DAAM2: variants seen among roughly 807,000 people sequenced by gnomAD.
DAAM2 encodes the protein disheveled-associated activator of morphogenesis 2.
A neutral mutation model predicts 120.7 loss-of-function variants in DAAM2; 39 were observed. The observed-to-expected ratio is 0.32, with a 90% CI of 0.25 to 0.42. The LOEUF (loss-of-function observed/expected upper bound fraction) is 0.42, where lower values mean the gene tolerates loss of function less well. Among genes scored for constraint, DAAM2 ranks in the 10% least tolerant of loss-of-function variants. The pLI is 1.00. For missense variants in DAAM2, 1,283 were observed against 1,401.7 expected (o/e 0.92, Z 1.35); for synonymous variants, 488 against 524.9 (o/e 0.93, Z 0.96).
rs546236414 is a variant in DAAM2, at chr6:39,901,457, G to A, written c.2967G>A (p.Ala989=). 103 of 1,607,982 alleles carry A rather than the reference G, an allele frequency of 6.4e-5. No homozygotes were observed. The highest frequency in any genetic ancestry group is 5.7e-4 in the African/African-American group (43 of 74,982). The stretch of plus-strand genomic sequence containing the variant: ...GGAAGGAGGAGGAGGAGCGGCGGGC[G>A]CGCATGGAAGCCATGGTGAGGGGCA... ...RRRKEEEERR[A]RMEAMLKEQR... Residue 989 remains alanine (A), a synonymous_variant, in exon 24 of 25, where the codon GCG becomes GCA. Transcript: ENST00000274867. This position sits in a 1 kb window ranked among gnomAD's most constrained non-coding sequence, Gnocchi z 4.5.
chr6:39,823,537 A>T (rs778592021), intron 1 of DAAM2, among the ~76,000 whole-genome samples: 1 of 152,162 alleles, frequency 6.6e-6, no homozygotes, highest in South Asian at 2.1e-4. Flanking sequence ...GCCTTTGCAG[A>T]TGGGACGACT....
intron 1 of DAAM2, among the ~76,000 whole-genome samples, chr6:39,810,986 G>A (rs1212238115): frequency 6.6e-6 from 1 of 152,182 alleles, no homozygotes; most frequent in Non-Finnish European, 1.5e-5. Context: ...CTTGGCCTGG[G>A]TGTTGTGGAG....
rs555066503 is a variant in DAAM2, at chr6:39,870,506, T to C, written c.977+63T>C. On this transcript the variant is annotated intron_variant, in intron 8 of 24. Coordinates refer to ENST00000274867, the MANE Select transcript of DAAM2 (RefSeq NM_001201427.2). The stretch of plus-strand genomic sequence containing the variant: ...GGGACAGTGCCTCAGATGGGGATAG[T>C]TGGGACCTTTGTGAAGGCTGCCCTT... 28 of 1,060,566 alleles carry C rather than the reference T, an allele frequency of 2.6e-5. No individual in the cohort carries two copies. The East Asian group carries it at 3.6e-4, about 14-fold the overall frequency. The allele number at this position is 1,060,566 out of a possible 1,614,324, so 65.7% of individuals were successfully genotyped here.
chr6:39,814,192 T>C (rs201687393), intron 1 of DAAM2, among the ~76,000 whole-genome samples: 5 of 119,132 alleles, frequency 4.2e-5, no homozygotes, highest in African/African-American at 1.8e-4. Flanking sequence ...TTCTTTCTTT[T>C]TTTTTTTTTC....
At position 39,904,235 on chromosome 6, in the gene DAAM2, C is replaced by T. The variant is rs1766653564; in HGVS notation, c.*2198C>T. 3 of 456,632 alleles carry T rather than the reference C, an allele frequency of 6.6e-6. No individual in the cohort carries two copies. Among genetic ancestry groups the T allele is most frequent in the Admixed American group, 2.3e-5 (1 of 42,562 alleles). The allele number at this position is 456,632 out of a possible 1,614,324, so 28.3% of individuals were successfully genotyped here. A position where few individuals can be genotyped will look rare whatever the true frequency, so the allele number is the denominator to read the frequency against. On this transcript the variant is annotated 3_prime_UTR_variant, in exon 25 of 25. Coordinates refer to ENST00000274867, the MANE Select transcript of DAAM2 (RefSeq NM_001201427.2). Reference sequence around the variant, plus strand: ...CAACTGTTGACAGAGGACACAAATACGTTGTTCCAGAGCTCAGCCTTCTCA... The same window carrying T: ...CAACTGTTGACAGAGGACACAAATATGTTGTTCCAGAGCTCAGCCTTCTCA...
intron 9 of DAAM2, among the ~76,000 whole-genome samples, chr6:39,872,571 C>T (rs142991800): frequency 1.3e-5 from 2 of 152,318 alleles, no homozygotes; most frequent in African/African-American, 4.8e-5. Context: ...CCTGAAAGCA[C>T]ACAACTCTGC....
chr6:39,794,539 C>T (rs769726426), intron 1 of DAAM2, among the ~76,000 whole-genome samples: 3 of 152,134 alleles, frequency 2.0e-5, no homozygotes, highest in African/African-American at 2.4e-5. Context: ...CTCAAGAAGG[C>T]GGAGGCTGTG....
chr6:39,868,696 AC>A (rs1444676449), intron 6 of DAAM2, 126 bp from the exon 7 acceptor site: 1 of 696,380 alleles, frequency 1.4e-6, no homozygotes, highest in African/African-American at 1.8e-5. Flanking sequence ...AATTGGACAG[AC>A]CTGATTGGGT....
At chr6:39,813,825 G>A (rs559915562) in intron 1 of DAAM2, among the ~76,000 whole-genome samples, 2 of 152,282 alleles carry the variant, frequency 1.3e-5, no homozygotes, top group Non-Finnish European at 2.9e-5. Flanking sequence ...CATTGTAAAA[G>A]CATGGTTGAA....
intron 1 of DAAM2, among the ~76,000 whole-genome samples, chr6:39,852,727 A>G (rs953082996): frequency 3.9e-5 from 6 of 152,132 alleles, no homozygotes; most frequent in African/African-American, 1.4e-4. Context: ...GGGGCTTCAG[A>G]GGTGAAGAGT....
At position 39,812,334 on chromosome 6, in the gene DAAM2, C is replaced by T. The variant is rs147750039; in HGVS notation, c.-57+19869C>T. On this transcript the variant is annotated intron_variant, in intron 1 of 24. Transcript: ENST00000274867. ...ATTTCAACACATCTCATTCTAACAG[C>T]TCTGCAAAGTGGGTATTATCCCATT... is the stretch of plus-strand genomic sequence containing the variant. 1.5e-3 allele frequency among the ~76,000 whole-genome samples: 230 copies of T among 152,352 alleles called. 1 individual carries two copies. The highest frequency in any genetic ancestry group is 2.0e-3 in the Admixed American group (30 of 15,300).
At chr6:39,851,224 T>G (rs1479712871) in intron 1 of DAAM2, among the ~76,000 whole-genome samples, 1 of 152,196 alleles carries the variant, frequency 6.6e-6, no homozygotes, top group Non-Finnish European at 1.5e-5. Flanking sequence ...TAGGATACTT[T>G]CTGGACGTGT....
At chr6:39,805,802 T>C (rs1761994420) in intron 1 of DAAM2, among the ~76,000 whole-genome samples, 1 of 152,164 alleles carries the variant, frequency 6.6e-6, no homozygotes, top group Non-Finnish European at 1.5e-5. Flanking sequence ...TCCACCCGCC[T>C]TGGCCTCCCA....
intron 2 of DAAM2, among the ~76,000 whole-genome samples, chr6:39,857,340 T>C (rs957571052): frequency 2.8e-4 from 42 of 152,248 alleles, no homozygotes; most frequent in Non-Finnish European, 5.4e-4. Context: ...GTGGTTGGAA[T>C]GTGGTTTTAT....
intron 1 of DAAM2, among the ~76,000 whole-genome samples, chr6:39,838,204 T>C (rs1168556989): frequency 1.3e-5 from 2 of 152,192 alleles, no homozygotes; most frequent in African/African-American, 4.8e-5. Flanking sequence ...ATGTCTTCAT[T>C]TGTCAACTAG....
At chr6:39,854,014 T>G (rs965712109) in intron 1 of DAAM2, among the ~76,000 whole-genome samples, 5 of 152,206 alleles carry the variant, frequency 3.3e-5, no homozygotes, top group African/African-American at 1.2e-4. Context: ...TGCCATTGGC[T>G]ATCAAGTCCC....
At chr6:39,871,689 G>C (rs939593100) in intron 9 of DAAM2, 117 bp downstream of exon 9, 1 of 858,884 alleles carries the variant, frequency 1.2e-6, no homozygotes, top group African/African-American at 1.7e-5. Context: ...GTTCCCTGGT[G>C]GGCACCCCCA....
chr6:39,890,266 G>C (rs1210680856), intron 17 of DAAM2, among the ~76,000 whole-genome samples: 2 of 152,198 alleles, frequency 1.3e-5, no homozygotes, highest in African/African-American at 4.8e-5. Flanking sequence ...GATGGCAGAG[G>C]CAGAAGAAAA....
At position 39,896,841 on chromosome 6, in the gene DAAM2, C is replaced by T. The variant is rs374163638; in HGVS notation, c.2371C>T (p.Arg791Cys). 55 of 1,607,542 alleles carry T rather than the reference C, an allele frequency of 3.4e-5. 1 individual carries two copies. In the East Asian group the frequency reaches 3.6e-4, roughly 10 times the overall value. The stretch of plus-strand genomic sequence containing the variant: ...CCTGTTGGCCTCCCGGGAGCTGGTC[C>T]GCAGCAAGCGTCTTAGACAGATGCT... ...AILLASRELV[R>C]SKRLRQMLEV... The change falls in exon 20 of 25, where the codon CGC becomes TGC. Residue 791 changes from arginine to cysteine, a missense_variant. Physicochemically the swap from Arg to Cys is radical, Grantham distance 180. Coordinates refer to ENST00000274867, the MANE Select transcript of DAAM2 (RefSeq NM_001201427.2).
Sources: gnomAD v4.1 joint callset for allele counts (sites outside exome capture counted in the v4.1 genomes callset) on GRCh38, gnomAD v4.1.1 for gene constraint, Gnocchi (gnomAD v3.1) non-coding constraint, MANE v1.5 for transcripts, NCBI Gene and HGNC (gene_info 2026-07-23, HGNC 2026-07-21) for gene names.